Variants in ARL6IP5 observed in about 807,000 individuals in gnomAD.
The protein encoded by ARL6IP5 is ARF like GTPase 6 interacting protein 5.
A neutral mutation model predicts 13.0 loss-of-function variants in ARL6IP5; 6 were observed. The ratio of observed to expected loss-of-function variants is 0.46; its 90% CI spans 0.25 to 0.91. The LOEUF (loss-of-function observed/expected upper bound fraction) is 0.91. ARL6IP5 is among the 40% of genes least tolerant of loss of function. The pLI is 0.17. For missense variants in ARL6IP5, 208 were observed against 248.8 expected (o/e 0.84, Z 1.10); for synonymous variants, 91 against 91.9 (o/e 0.99, Z 0.06).
In ARL6IP5 at chr3:69,104,629, A is replaced by G; in HGVS notation, c.560A>G (p.Lys187Arg). The G allele has an allele frequency of 6.2e-7, 1 of 1,613,344 alleles. No homozygotes were observed. Residue 187 changes from lysine to arginine, a missense_variant, in exon 3 of 3, where the codon AAG becomes AGG. By Grantham distance (26) the Lys-to-Arg change is conservative. Transcript: ENST00000273258. Reference protein sequence around the residue: ...NRLTDYISKVKE With the variant: ...NRLTDYISKVRE The stretch of plus-strand genomic sequence containing the variant: ...CTCACTGACTATATCAGCAAAGTGA[A>G]GGAATAAACATAACTTACCTGAGCT...
rs770331801 is a variant in ARL6IP5 at position 69,104,545 on chromosome 3, G to T, written c.476G>T (p.Arg159Met). Residue 159 changes from arginine (R) to methionine (M), a missense_variant, in exon 3 of 3, where the codon AGG becomes ATG. Arg to Met is a moderately conservative substitution (Grantham distance 91). Coordinates refer to ENST00000273258, the MANE Select transcript of ARL6IP5 (RefSeq NM_006407.4). The stretch of plus-strand genomic sequence containing the variant: ...AAAATGGAAGGAATAGGTTTGAAGA[G>T]GACACCGATGGGCATTGTCCTGGAT... ...ENKMEGIGLK[R>M]TPMGIVLDAL... is the part of the protein sequence containing the mutation. 6.2e-7 allele frequency: 1 copy of T among 1,614,052 alleles called. No homozygotes were observed. The highest frequency in any genetic ancestry group is 1.3e-5 in the African/African-American group (1 of 75,026).
At chr3:69,090,080 C>A (rs75096216) in intron 1 of ARL6IP5, 206 of 238,816 alleles carry the variant, frequency 8.6e-4, no homozygotes, top group African/African-American at 4.5e-3. Context: ...CTCCCAGCAT[C>A]TGGTATTATG....
chr3:69,090,178 C>A (rs574464508), intron 1 of ARL6IP5, among the ~76,000 whole-genome samples: 8 of 152,224 alleles, frequency 5.3e-5, no homozygotes, highest in South Asian at 2.1e-4. Context: ...GTAAGGCAAC[C>A]CTGGGAGGCT....
At chr3:69,104,190 A>G (rs2092315139) in intron 2 of ARL6IP5, among the ~76,000 whole-genome samples, 2 of 152,206 alleles carry the variant, frequency 1.3e-5, no homozygotes, top group African/African-American at 4.8e-5. Flanking sequence ...TGATGATATC[A>G]GTGTGTGAAG....
intron 1 of ARL6IP5, among the ~76,000 whole-genome samples, chr3:69,085,699 G>A (rs569411214): frequency 1.3e-5 from 2 of 152,260 alleles, no homozygotes; most frequent in South Asian, 2.1e-4. Context: ...TGCTTTCTCT[G>A]CCTAATGCCT....
chr3:69,104,331 A>G, intron 2 of ARL6IP5, 133 bp from the exon 3 acceptor site: 1 of 864,814 alleles, frequency 1.2e-6, no homozygotes, highest in Non-Finnish European at 1.8e-6. Flanking sequence ...GAAAGCTTGC[A>G]TCAATTCGAG....
At position 69,085,219 on chromosome 3, in the gene ARL6IP5, G is replaced by T. The variant is rs1225203576; in HGVS notation, c.172G>T (p.Val58Leu). ...GGTGGCTGCCATGATGATTTCCATT[G>T]TGGGGTAAGTGGGGTCCCCCTACCC... Reference protein sequence around the residue: ...LVVAAMMISIVGFLSPFNMIL... With the variant: ...LVVAAMMISILGFLSPFNMIL... Residue 58 changes from valine (V) to leucine (L), a missense_variant, in exon 1 of 3, where the codon GTG becomes TTG. Coordinates refer to ENST00000273258, the MANE Select transcript of ARL6IP5 (RefSeq NM_006407.4). 1 of 1,611,330 alleles carries T rather than the reference G, an allele frequency of 6.2e-7. No homozygotes were observed. The highest frequency in any genetic ancestry group is 1.7e-5 in the Admixed American group (1 of 59,914).
intron 2 of ARL6IP5, among the ~76,000 whole-genome samples, chr3:69,104,179 G>T (rs1443550245): frequency 2.6e-5 from 4 of 152,154 alleles, no homozygotes; most frequent in Non-Finnish European, 5.9e-5. Context: ...CATCTGCAAG[G>T]TGATGATATC....
At chr3:69,092,999 A>T (rs1277576963) in intron 1 of ARL6IP5, among the ~76,000 whole-genome samples, 4 of 152,166 alleles carry the variant, frequency 2.6e-5, no homozygotes, top group Non-Finnish European at 5.9e-5. Context: ...CTACCTATGT[A>T]TATGTTAGTT....
intron 2 of ARL6IP5, among the ~76,000 whole-genome samples, chr3:69,103,107 A>T (rs2092311380): frequency 6.6e-6 from 1 of 152,260 alleles, no homozygotes; most frequent in African/African-American, 2.4e-5. Context: ...ATTTATGGAT[A>T]CATCCCATAC....
At chr3:69,100,331 C>T (rs1235552724) in intron 1 of ARL6IP5, among the ~76,000 whole-genome samples, 1 of 152,174 alleles carries the variant, frequency 6.6e-6, no homozygotes, top group Non-Finnish European at 1.5e-5. Flanking sequence ...GAACTGTGTG[C>T]TTGAAAATCT....
At chr3:69,101,472 G>T (rs1255791619) in intron 1 of ARL6IP5, among the ~76,000 whole-genome samples, 1 of 151,600 alleles carries the variant, frequency 6.6e-6, no homozygotes, top group African/African-American at 2.4e-5. Context: ...ACAGGTGTGT[G>T]CCACCACACC....
chr3:69,086,043 C>T (rs914558012), intron 1 of ARL6IP5, among the ~76,000 whole-genome samples: 3 of 152,196 alleles, frequency 2.0e-5, no homozygotes, highest in Non-Finnish European at 4.4e-5. Context: ...GTGATATTCT[C>T]AATCTTGCTG....
chr3:69,096,201 T>C (rs1238927650), intron 1 of ARL6IP5, among the ~76,000 whole-genome samples: 1 of 152,330 alleles, frequency 6.6e-6, no homozygotes, highest in Non-Finnish European at 1.5e-5. Context: ...TAGACTGTTG[T>C]TGGGCAGGTT....
chr3:69,088,624 T>A (rs2092255274), intron 1 of ARL6IP5, among the ~76,000 whole-genome samples: 2 of 152,208 alleles, frequency 1.3e-5, no homozygotes, highest in Non-Finnish European at 2.9e-5. Context: ...AATCTGTGTT[T>A]AAACTTCTGA....
intron 1 of ARL6IP5, among the ~76,000 whole-genome samples, chr3:69,085,655 G>A (rs1459425314): frequency 6.6e-6 from 1 of 152,180 alleles, no homozygotes; most frequent in Non-Finnish European, 1.5e-5. Context: ...CCGGGCTAGT[G>A]TAAAAAGGGC....
In ARL6IP5 at chr3:69,102,024, T is replaced by C; in HGVS notation, c.362T>C (p.Val121Ala). The change falls in exon 2 of 3, where the codon GTC (valine) becomes GCC (alanine). Residue 121 changes from valine (V) to alanine (A), a missense_variant. Coordinates refer to ENST00000273258, the MANE Select transcript of ARL6IP5 (RefSeq NM_006407.4). The part of the protein sequence containing the change: ...FLISMFGGVM[V>A]FVFGITFPLL... ...ATCTCCATGTTTGGAGGAGTCATGG[T>C]CTTTGTGTTTGGCATTACTTTTCCT... is the stretch of plus-strand genomic sequence containing the variant. 1.2e-6 allele frequency: 2 copies of C among 1,614,156 alleles called. No homozygotes were observed. Among genetic ancestry groups the C allele is most frequent in the Admixed American group, 1.7e-5 (1 of 60,016 alleles).
chr3:69,088,832 T>C (rs2092256226), intron 1 of ARL6IP5, among the ~76,000 whole-genome samples: 1 of 152,356 alleles, frequency 6.6e-6, no homozygotes, highest in South Asian at 2.1e-4. Context: ...CACACAACAA[T>C]AGAAGTCTCT....
At chr3:69,098,240 C>CTTTTTTT (rs34413250) in intron 1 of ARL6IP5, among the ~76,000 whole-genome samples, 3 of 71,822 alleles carry the variant, frequency 4.2e-5, no homozygotes, top group African/African-American at 6.3e-5. Flanking sequence ...CCATACCTGG[C>CTTTTTTT]TTTTTTTTTT....
Sources: allele counts gnomAD v4.1 joint callset (sites outside exome capture counted in the v4.1 genomes callset), GRCh38; gene constraint gnomAD v4.1.1; transcripts MANE v1.5; gene names NCBI Gene and HGNC (gene_info 2026-07-23, HGNC 2026-07-21).